ALX4: variants seen among roughly 807,000 people sequenced by gnomAD.
ALX4 encodes the protein ALX homeobox 4.
In ALX4, 22 loss-of-function variants were observed where a neutral mutation model predicts 40.6. The observed-to-expected ratio is 0.54, with a 90% confidence interval of 0.39 to 0.77. The LOEUF is 0.77. ALX4 is among the 30% of genes least tolerant of loss of function. The pLI, the probability that ALX4 is intolerant of heterozygous loss-of-function variation, is 0.00. For synonymous variants in ALX4, 266 were observed against 240.5 expected (o/e 1.11, Z -0.98); for missense variants, 556 against 564.8 (o/e 0.98, Z 0.16).
chr11:44,300,849 T>C (rs1956430470), intron 1 of ALX4, among the ~76,000 whole-genome samples: 2 of 152,232 alleles, frequency 1.3e-5, no homozygotes, highest in African/African-American at 4.8e-5. Flanking sequence ...AGAAAACTCA[T>C]TGGCCTGGAC....
chr11:44,275,580 A>G lies in ALX4; in HGVS notation c.545T>C (p.Val182Ala). ...GGGCCCCTTCACCCCAGCCTCCTTG[A>G]CACTCAGGTAGCTGCTGTCCATCCC... The part of the protein sequence containing the change: ...TVGMDSSYLS[V>A]KEAGVKGPQD... The change falls in exon 2 of 4, where the codon GTC (valine) becomes GCC (alanine). Residue 182 changes from valine (V) to alanine (A), a missense_variant. By Grantham distance (64) the Val-to-Ala change is moderately conservative. Transcript: ENST00000652299. The G allele has an allele frequency of 6.2e-7, 1 of 1,614,038 alleles. No homozygotes were observed. Among genetic ancestry groups the G allele is most frequent in the Middle Eastern group, 1.6e-4 (1 of 6,062 alleles).
Position 44,264,916 on chromosome 11 carries a change from T to C in ALX4, c.1174A>G (p.Ser392Gly). Residue 392 changes from serine (S) to glycine (G), a missense_variant, in exon 4 of 4, where the codon AGC (serine) becomes GGC (glycine). Ser to Gly is a moderately conservative substitution (Grantham distance 56). Transcript: ENST00000652299. ...LNGEPDRKTS[S>G]IAALRMKAKE... ...GCCTTCATGCGGAGGGCCGCGATGC[T>C]CGAGGTCTTGCGGTCCGGCTCGCCG... 6.2e-7 allele frequency: 1 copy of C among 1,613,020 alleles called. No individual in the cohort carries two copies. Among genetic ancestry groups the C allele is most frequent in the Non-Finnish European group, 8.5e-7 (1 of 1,179,924 alleles).
At chr11:44,298,311 C>A (rs1956415285) in intron 1 of ALX4, among the ~76,000 whole-genome samples, 1 of 152,178 alleles carries the variant, frequency 6.6e-6, no homozygotes, top group Non-Finnish European at 1.5e-5. Flanking sequence ...TGGACGGAAT[C>A]ATGGGTGTGC....
rs529619529 is a variant in ALX4, at chr11:44,270,727, C to T, written c.778-3105G>A. 5.3e-5 allele frequency among the ~76,000 whole-genome samples: 8 copies of T among 152,316 alleles called. 1 individual carries two copies. The highest frequency in any genetic ancestry group is 1.4e-4 in the African/African-American group (6 of 41,572). ...GCAGCCCCAGGAGGACAGCCAACCACGAGGTCCCCACTGTTCTCCCGGTCT... is the reference window on the plus strand; with the variant it reads ...GCAGCCCCAGGAGGACAGCCAACCATGAGGTCCCCACTGTTCTCCCGGTCT... On this transcript the variant is annotated intron_variant, in intron 2 of 3. Transcript: ENST00000652299.
At chr11:44,302,200 C>T (rs1956438688) in intron 1 of ALX4, among the ~76,000 whole-genome samples, 1 of 152,140 alleles carries the variant, frequency 6.6e-6, no homozygotes, top group African/African-American at 2.4e-5. Flanking sequence ...CCTTGCACAC[C>T]TGAGGCTCGC....
At chr11:44,285,001 G>T (rs1348660930) in intron 1 of ALX4, among the ~76,000 whole-genome samples, 1 of 151,608 alleles carries the variant, frequency 6.6e-6, no homozygotes, top group Non-Finnish European at 1.5e-5. Flanking sequence ...TCTCGCTGTT[G>T]TCGCCCAGGC....
At chr11:44,282,375 A>T (rs1956314979) in intron 1 of ALX4, among the ~76,000 whole-genome samples, 1 of 152,218 alleles carries the variant, frequency 6.6e-6, no homozygotes, top group African/African-American at 2.4e-5. Flanking sequence ...GAGCACCCGG[A>T]ACTCCCATCC....
At chr11:44,307,930 G>A (rs1389507860) in intron 1 of ALX4, among the ~76,000 whole-genome samples, 1 of 151,980 alleles carries the variant, frequency 6.6e-6, no homozygotes, top group Admixed American at 6.6e-5. Flanking sequence ...GTGGAGCAGT[G>A]GGTGTCTGTG....
At chr11:44,286,249 G>A (rs544810849) in intron 1 of ALX4, among the ~76,000 whole-genome samples, 52 of 152,318 alleles carry the variant, frequency 3.4e-4, no homozygotes, top group Admixed American at 9.8e-4. Context: ...AGATGACCCC[G>A]GCAGCTCCCT....
At chr11:44,301,334 G>T (rs2119888980) in intron 1 of ALX4, among the ~76,000 whole-genome samples, 1 of 152,312 alleles carries the variant, frequency 6.6e-6, no homozygotes, top group East Asian at 1.9e-4. Context: ...AGGGCCTGGT[G>T]GACAGTCCTA....
chr11:44,291,566 A>G (rs11037937), intron 1 of ALX4, among the ~76,000 whole-genome samples: 102,647 of 151,734 alleles, frequency 0.68, 34,964 homozygotes, highest in South Asian at 0.89. Flanking sequence ...ATGCCGCCAC[A>G]CCTGGCTTTT....
intron 1 of ALX4, among the ~76,000 whole-genome samples, chr11:44,279,115 A>G (rs992379460): frequency 6.6e-6 from 1 of 152,124 alleles, no homozygotes; most frequent in South Asian, 2.1e-4. Context: ...ACCCTGCAGC[A>G]TCTCCACCTG....
intron 1 of ALX4, among the ~76,000 whole-genome samples, chr11:44,304,076 C>T (rs1252679135): frequency 6.6e-6 from 1 of 152,090 alleles, no homozygotes. Context: ...TTTGGAAGGG[C>T]TGCTTCTCAC....
intron 1 of ALX4, among the ~76,000 whole-genome samples, chr11:44,278,780 C>T (rs984133265): frequency 6.6e-6 from 1 of 152,158 alleles, no homozygotes; most frequent in East Asian, 1.9e-4. Flanking sequence ...AGTTGAGGGT[C>T]CCTCCTCCCT....
Position 44,310,046 on chromosome 11 carries a change from C to CA in ALX4, c.16dup (p.Cys6LeufsTer30), listed in dbSNP as rs746479735. The CA allele has an allele frequency of 2.5e-6, 4 of 1,597,604 alleles. No homozygotes were observed. In the African/African-American group the frequency reaches 5.3e-5, roughly 21 times the overall value. ...GGCCGGCGACTCGCAGTAAGAGACG[C>CA]AAGTCTCAGCATTCATGCCTGGCTT... On this transcript the variant is annotated frameshift_variant, in exon 1 of 4. Coordinates refer to ENST00000652299, the MANE Select transcript of ALX4 (RefSeq NM_021926.4). LOFTEE classifies it high-confidence loss of function.
chr11:44,275,227 T>A, intron 2 of ALX4, 121 bp downstream of exon 2: 1 of 1,026,624 alleles, frequency 9.7e-7, no homozygotes, highest in Non-Finnish European at 1.5e-6. Context: ...AGGTTCTCAA[T>A]GAACTGAGGA....
chr11:44,271,642 A>G (rs1359843842), intron 2 of ALX4, among the ~76,000 whole-genome samples: 1 of 152,162 alleles, frequency 6.6e-6, no homozygotes, highest in Non-Finnish European at 1.5e-5. Context: ...TTTTAGATTG[A>G]ACAAATAAAT....
In ALX4 at chr11:44,275,549, G is replaced by T; in HGVS notation, c.576C>A (p.Asp192Glu). The stretch of plus-strand genomic sequence containing the variant: ...GGCTGGGGAGGTCTGAGCTGGCCCG[G>T]TCCTGGGGCCCCTTCACCCCAGCCT... ...VKEAGVKGPQDRASSDLPSPL... is the reference protein window; with the variant it reads ...VKEAGVKGPQERASSDLPSPL... The change falls in exon 2 of 4, where the codon GAC becomes GAA. Residue 192 changes from aspartate to glutamate, a missense_variant. By Grantham distance (45) the Asp-to-Glu change is conservative. Transcript: ENST00000652299. 6.2e-7 allele frequency: 1 copy of T among 1,614,156 alleles called. No homozygotes were observed.
intron 1 of ALX4, among the ~76,000 whole-genome samples, chr11:44,285,356 G>C (rs1303299258): frequency 6.6e-6 from 1 of 152,220 alleles, no homozygotes; most frequent in Non-Finnish European, 1.5e-5. Flanking sequence ...TGGTTACGTA[G>C]CGAGAACAAT....
Sources: allele counts gnomAD v4.1 joint callset (sites outside exome capture counted in the v4.1 genomes callset), GRCh38; gene constraint gnomAD v4.1.1; transcripts MANE v1.5; gene names NCBI Gene and HGNC (gene_info 2026-07-23, HGNC 2026-07-21).